Variants in DLGAP1 observed in about 807,000 individuals in gnomAD.
DLGAP1 encodes disks large-associated protein 1.
DLGAP1 carries 11 observed loss-of-function variants against 90.8 expected under a neutral mutation model. The observed-to-expected ratio is 0.12, with a 90% CI of 0.08 to 0.20. The LOEUF (loss-of-function observed/expected upper bound fraction) is 0.20. DLGAP1 is among the 10% of genes least tolerant of loss of function. The probability of loss-of-function intolerance (pLI) is 1.00; values close to 1 mark genes in which losing one functional copy is unlikely to be tolerated. For missense variants in DLGAP1, 1,050 were observed against 1,333.8 expected (o/e 0.79, Z 3.31); for synonymous variants, 558 against 540.7 (o/e 1.03, Z -0.44).
chr18:4,449,275 C>T (rs1218029759), intron 1 of DLGAP1, among the ~76,000 whole-genome samples: 2 of 152,132 alleles, frequency 1.3e-5, no homozygotes, highest in African/African-American at 4.8e-5. Context: ...TTTTTCTTTG[C>T]TTCCTTTTTA....
chr18:4,166,778 C>T (rs1210390518), intron 1 of DLGAP1, among the ~76,000 whole-genome samples: 1 of 152,156 alleles, frequency 6.6e-6, no homozygotes, highest in Non-Finnish European at 1.5e-5. Flanking sequence ...AAACCAAACA[C>T]ACAAAAAGAT....
At chr18:4,013,570 C>G (rs913673474) in intron 2 of DLGAP1, 1 of 152,238 alleles carries the variant, frequency 6.6e-6, no homozygotes, top group African/African-American at 2.4e-5. Flanking sequence ...ATAATAATTT[C>G]TATATGCTCC....
intron 1 of DLGAP1, among the ~76,000 whole-genome samples, chr18:4,322,918 G>A (rs571190406): frequency 9.6e-5 from 12 of 124,552 alleles, no homozygotes; most frequent in East Asian, 2.7e-4. Context: ...CTGAGTTTGT[G>A]CCACTGCACT....
chr18:3,888,368 A>G (rs1469609735), intron 3 of DLGAP1, among the ~76,000 whole-genome samples: 2 of 152,198 alleles, frequency 1.3e-5, no homozygotes, highest in African/African-American at 2.4e-5. Flanking sequence ...TATACCAATT[A>G]TATTACTCAA....
intron 1 of DLGAP1, among the ~76,000 whole-genome samples, chr18:4,302,088 A>G (rs551680116): frequency 1.3e-5 from 2 of 152,196 alleles, no homozygotes; most frequent in South Asian, 4.2e-4. Flanking sequence ...AATCTCTAGG[A>G]TATCTCCTCA....
chr18:4,411,298 A>C (rs2082771569), intron 1 of DLGAP1, among the ~76,000 whole-genome samples: 1 of 152,280 alleles, frequency 6.6e-6, no homozygotes, highest in South Asian at 2.1e-4. Flanking sequence ...TCAGTAGAGA[A>C]CTGATAGCCC....
At position 3,703,644 on chromosome 18, in the gene DLGAP1, TCTC is replaced by T. The variant is rs148482515; in HGVS notation, c.1591+25488_1591+25490del. Among the ~76,000 whole-genome samples, 659 of 152,332 alleles carry T rather than the reference TCTC, an allele frequency of 4.3e-3. 10 individuals carry two copies. Among genetic ancestry groups the T allele is most frequent in the African/African-American group, 0.015 (638 of 41,578 alleles). On this transcript the variant is annotated intron_variant, in intron 7 of 12. Coordinates refer to ENST00000315677, the MANE Select transcript of DLGAP1 (RefSeq NM_004746.4). ...ATGGACACATTCTCTGCATTCTTCT[TCTC>T]TTTTCGTTCTTTTTTGTTTTTTGTT...
intron 4 of DLGAP1, among the ~76,000 whole-genome samples, chr18:3,854,243 C>A (rs2069503502): frequency 6.6e-6 from 1 of 152,104 alleles, no homozygotes; most frequent in African/African-American, 2.4e-5. Flanking sequence ...TGAAAAAGAA[C>A]AGGACAGTCT....
At chr18:4,206,557 TC>T (rs1410451555) in intron 1 of DLGAP1, among the ~76,000 whole-genome samples, 1 of 152,132 alleles carries the variant, frequency 6.6e-6, no homozygotes, top group African/African-American at 2.4e-5. Flanking sequence ...TGTCTTCCAG[TC>T]TTTACACTAG....
At chr18:3,779,634 ATTG>A (rs1400939256) in intron 5 of DLGAP1, among the ~76,000 whole-genome samples, 2 of 151,956 alleles carry the variant, frequency 1.3e-5, no homozygotes, top group Non-Finnish European at 2.9e-5. Context: ...TATTCTATCT[ATTG>A]TTTAAGATCC....
intron 1 of DLGAP1, among the ~76,000 whole-genome samples, chr18:4,210,187 C>T (rs1293030651): frequency 1.3e-5 from 2 of 152,188 alleles, no homozygotes; most frequent in African/African-American, 2.4e-5. Flanking sequence ...GAGTCCTTCC[C>T]TGGCCTGTTA....
intron 9 of DLGAP1, among the ~76,000 whole-genome samples, chr18:3,561,144 ACT>A (rs1473500516): frequency 6.7e-6 from 1 of 150,270 alleles, no homozygotes; most frequent in Non-Finnish European, 1.5e-5. Flanking sequence ...AGCTGGGCAC[ACT>A]GTCCCACGCC....
intron 7 of DLGAP1, among the ~76,000 whole-genome samples, chr18:3,723,330 G>A (rs10084107): frequency 0.026 from 4,023 of 152,272 alleles, 77 homozygotes; most frequent in South Asian, 0.056. Flanking sequence ...TGATGTAGAA[G>A]TTTGTTTATA....
chr18:4,164,065 C>G (rs938618659), intron 1 of DLGAP1, among the ~76,000 whole-genome samples: 1 of 151,908 alleles, frequency 6.6e-6, no homozygotes, highest in Non-Finnish European at 1.5e-5. Flanking sequence ...TCCAGCAGAC[C>G]AAAATAGCAA....
At chr18:3,695,767 G>A (rs998880911) in intron 7 of DLGAP1, among the ~76,000 whole-genome samples, 1 of 152,122 alleles carries the variant, frequency 6.6e-6, no homozygotes, top group African/African-American at 2.4e-5. Flanking sequence ...GATGGGGATA[G>A]CATTTAATCT....
At chr18:3,860,093 T>C (rs934233706) in intron 4 of DLGAP1, among the ~76,000 whole-genome samples, 2 of 113,220 alleles carry the variant, frequency 1.8e-5, no homozygotes, top group African/African-American at 3.5e-5. Flanking sequence ...AGCGAGACTC[T>C]GTCTCAAAAA....
At position 3,523,390 on chromosome 18, in the gene DLGAP1, A is replaced by AG. The variant is rs1405335934; in HGVS notation, c.2479+10803_2479+10804insC. ...AGGCTCCATCTCAAAGAAAAAAAAA[A>AG]ATTAAAAAAAATAAAAATAAAAAGG... On this transcript the variant is annotated intron_variant, in intron 10 of 12. Coordinates refer to ENST00000315677, the MANE Select transcript of DLGAP1 (RefSeq NM_004746.4). Among the ~76,000 whole-genome samples the AG allele has an allele frequency of 2.6e-5, 4 of 152,000 alleles. No individual in the cohort carries two copies. The East Asian group carries it at 7.7e-4, about 29-fold the overall frequency.
chr18:3,720,888 C>CAAAAAAAAAAAAAAAA (rs1186426563), intron 7 of DLGAP1, among the ~76,000 whole-genome samples: 3,548 of 50,068 alleles, frequency 0.071, 481 homozygotes, highest in Non-Finnish European at 0.095. Flanking sequence ...CTTGTCTCTA[C>CAAAAAAAAAAAAAAAA]AAAAAAAAAA....
intron 7 of DLGAP1, among the ~76,000 whole-genome samples, chr18:3,676,062 T>C (rs955129838): frequency 2.6e-5 from 4 of 152,238 alleles, no homozygotes; most frequent in African/African-American, 9.6e-5. Flanking sequence ...CCAAACTATT[T>C]TCCTTTCTAA....
Sources: allele counts gnomAD v4.1 joint callset (sites outside exome capture counted in the v4.1 genomes callset), GRCh38; gene constraint gnomAD v4.1.1; transcripts MANE v1.5; gene names NCBI Gene and HGNC (gene_info 2026-07-23, HGNC 2026-07-21).